CTNND2: variants seen among roughly 807,000 people sequenced by gnomAD.
CTNND2 encodes the protein catenin delta-2.
CTNND2 carries 22 observed loss-of-function variants against 144.4 expected under a neutral mutation model. The observed-to-expected ratio is 0.15, with a 90% CI of 0.11 to 0.22. CTNND2 has a LOEUF of 0.22. CTNND2 is among the 10% of genes least tolerant of loss of function. The pLI, the probability that CTNND2 is intolerant of heterozygous loss-of-function variation, is 1.00. For missense variants in CTNND2, 1,353 were observed against 1,618.8 expected, an observed-to-expected ratio of 0.84 and a Z score of 2.82; for synonymous variants, 751 against 695.6, an observed-to-expected ratio of 1.08 and a Z score of -1.25.
At chr5:11,180,977 T>C (rs1760935968) in intron 11 of CTNND2, among the ~76,000 whole-genome samples, 1 of 152,142 alleles carries the variant, frequency 6.6e-6, no homozygotes. Context: ...CCGGAGGTTC[T>C]GGGGAAGAAC....
intron 9 of CTNND2, among the ~76,000 whole-genome samples, chr5:11,273,900 A>G (rs1410939384): frequency 1.3e-5 from 2 of 152,206 alleles, no homozygotes; most frequent in African/African-American, 4.8e-5. Context: ...TCTTTGAGAT[A>G]TTAAGATTTT....
At chr5:11,614,239 G>C (rs1780473557) in intron 2 of CTNND2, among the ~76,000 whole-genome samples, 1 of 152,124 alleles carries the variant, frequency 6.6e-6, no homozygotes, top group South Asian at 2.1e-4. Context: ...ACTATGTTTA[G>C]CAGGTTAAAT....
chr5:11,714,602 A>G (rs1224140628), intron 2 of CTNND2, among the ~76,000 whole-genome samples: 6 of 152,152 alleles, frequency 3.9e-5, no homozygotes, highest in African/African-American at 1.4e-4. Flanking sequence ...TCTTCCTCAT[A>G]TGTAAATTGT....
At chr5:11,008,228 G>A (rs1048413594) in intron 18 of CTNND2, among the ~76,000 whole-genome samples, 3 of 152,144 alleles carry the variant, frequency 2.0e-5, no homozygotes, top group East Asian at 1.9e-4. Context: ...TCCCAGAACC[G>A]GTGAATATGC....
intron 9 of CTNND2, among the ~76,000 whole-genome samples, chr5:11,289,207 C>A (rs1748060013): frequency 6.6e-6 from 1 of 152,194 alleles, no homozygotes; most frequent in Admixed American, 6.5e-5. Flanking sequence ...TTTCTCTTCC[C>A]AGTGTCCAGA....
At chr5:11,019,319 G>A (rs1741979553) in intron 17 of CTNND2, among the ~76,000 whole-genome samples, 1 of 152,134 alleles carries the variant, frequency 6.6e-6, no homozygotes, top group Non-Finnish European at 1.5e-5. Context: ...TAAATGTGAT[G>A]TTTTGTTGTA....
intron 1 of CTNND2, among the ~76,000 whole-genome samples, chr5:11,733,868 T>C (rs1339568826): frequency 6.6e-6 from 1 of 152,172 alleles, no homozygotes; most frequent in East Asian, 1.9e-4. Flanking sequence ...CACAAACAAA[T>C]GAGATTGCTG....
At chr5:11,686,776 C>T (rs1038453078) in intron 2 of CTNND2, among the ~76,000 whole-genome samples, 3 of 147,750 alleles carry the variant, frequency 2.0e-5, no homozygotes, top group Non-Finnish European at 3.0e-5. Context: ...TATGTATATA[C>T]AATACACAAA....
chr5:10,978,503 G>C (rs190230402), intron 21 of CTNND2, among the ~76,000 whole-genome samples: 23 of 151,332 alleles, frequency 1.5e-4, no homozygotes, highest in African/African-American at 3.9e-4. Flanking sequence ...TTTGGGGAGG[G>C]GGGGGAACCC....
intron 20 of CTNND2, among the ~76,000 whole-genome samples, chr5:10,983,945 G>A (rs976142992): frequency 1.3e-5 from 2 of 152,060 alleles, no homozygotes; most frequent in South Asian, 2.1e-4. Flanking sequence ...TCCTCAGAGC[G>A]GGCCAAACTT....
intron 8 of CTNND2, among the ~76,000 whole-genome samples, chr5:11,353,586 C>T (rs554555604): frequency 5.3e-5 from 8 of 152,142 alleles, no homozygotes; most frequent in Admixed American, 3.3e-4. Flanking sequence ...GGGCGGATCA[C>T]GAGGTCAGGA....
chr5:11,182,045 TGGGGTGTGTGTGG>T (rs1418633311), intron 11 of CTNND2, among the ~76,000 whole-genome samples: 1 of 131,318 alleles, frequency 7.6e-6, no homozygotes, highest in East Asian at 2.4e-4. Flanking sequence ...GTGGTGTGTG[TGGGGTGTGTGTGG>T]GGGGTGTGTG....
intron 2 of CTNND2, among the ~76,000 whole-genome samples, chr5:11,620,728 T>C (rs1581619486): frequency 6.6e-6 from 1 of 152,148 alleles, no homozygotes; most frequent in East Asian, 1.9e-4. Context: ...CTATTATCTG[T>C]TTTGAAGTCC....
chr5:11,634,207 G>T (rs77680518), intron 2 of CTNND2, among the ~76,000 whole-genome samples: 1 of 152,102 alleles, frequency 6.6e-6, no homozygotes, highest in Non-Finnish European at 1.5e-5. Flanking sequence ...TCTTTGTCTG[G>T]TTGTACATAA....
chr5:11,473,317 G>A (rs1029970819), intron 3 of CTNND2, among the ~76,000 whole-genome samples: 85 of 152,220 alleles, frequency 5.6e-4, no homozygotes, highest in Admixed American at 5.5e-3. Flanking sequence ...AAGTGTGGCT[G>A]GCAGTATCTT....
chr5:11,432,331 T>C (rs975116781), intron 3 of CTNND2, among the ~76,000 whole-genome samples: 1 of 150,686 alleles, frequency 6.6e-6, no homozygotes, highest in Non-Finnish European at 1.5e-5. Flanking sequence ...GGAAGACATC[T>C]GGGCAGAAAT....
chr5:11,300,090 C>CT (rs1561178379), intron 9 of CTNND2, among the ~76,000 whole-genome samples: 1 of 151,980 alleles, frequency 6.6e-6, no homozygotes, highest in African/African-American at 2.4e-5. Flanking sequence ...GCAGGGACTC[C>CT]ATTTCAGGAG....
intron 1 of CTNND2, among the ~76,000 whole-genome samples, chr5:11,902,440 G>A (rs1359758474): frequency 3.3e-5 from 5 of 152,096 alleles, no homozygotes; most frequent in Admixed American, 1.3e-4. Flanking sequence ...GTGCAGCCCC[G>A]AAGCCTTGTC....
intron 3 of CTNND2, among the ~76,000 whole-genome samples, chr5:11,507,883 T>C (rs1189394484): frequency 2.0e-5 from 3 of 152,044 alleles, no homozygotes; most frequent in African/African-American, 7.2e-5. Context: ...CCAGGCACAA[T>C]GTTCCAAAAT....
Sources: gnomAD v4.1 joint callset for allele counts (sites outside exome capture counted in the v4.1 genomes callset) on GRCh38, gnomAD v4.1.1 for gene constraint, MANE v1.5 for transcripts, NCBI Gene and HGNC (gene_info 2026-07-23, HGNC 2026-07-21) for gene names.